Variants in RTCB observed in about 807,000 individuals in gnomAD.
RTCB encodes RNA 2',3'-cyclic phosphate and 5'-OH ligase, also known as RNA-splicing ligase RTCB.
Under a neutral mutation model 58.2 loss-of-function variants are expected in RTCB, and 32 were observed. The ratio of observed to expected loss-of-function variants is 0.55; its 90% CI spans 0.41 to 0.74. The LOEUF (loss-of-function observed/expected upper bound fraction) is 0.74. Ranked by LOEUF, RTCB falls within the 30% of genes least tolerant of loss-of-function variation. The pLI, the probability that RTCB is intolerant of heterozygous loss-of-function variation, is 0.00. For synonymous variants in RTCB, 247 were observed against 218.6 expected (o/e 1.13, Z -1.15); for missense variants, 523 against 639.0 (o/e 0.82, Z 1.96).
intron 4 of RTCB, among the ~76,000 whole-genome samples, chr22:32,405,529 G>A (rs1933405391): frequency 6.6e-6 from 1 of 152,164 alleles, no homozygotes; most frequent in South Asian, 2.1e-4. Flanking sequence ...TGTCAAGTTT[G>A]TTATTGGATC....
At chr22:32,398,151 T>C in intron 6 of RTCB, 51 bp from the exon 7 acceptor site, 1 of 1,571,296 alleles carries the variant, frequency 6.4e-7, no homozygotes, top group Non-Finnish European at 8.6e-7. Flanking sequence ...AGTTTTTTTT[T>C]TAATCTATTT....
chr22:32,405,796 A>G (rs1167559474), intron 4 of RTCB, among the ~76,000 whole-genome samples: 1 of 152,192 alleles, frequency 6.6e-6, no homozygotes, highest in Non-Finnish European at 1.5e-5. Flanking sequence ...AGAACTCTCA[A>G]GATGTCATTT....
intron 1 of RTCB, among the ~76,000 whole-genome samples, chr22:32,410,746 C>T (rs1376000290): frequency 1.4e-5 from 2 of 145,282 alleles, no homozygotes; most frequent in Non-Finnish European, 1.5e-5. Context: ...TTGAGACTCA[C>T]TCTGTCACCT....
intron 3 of RTCB, among the ~76,000 whole-genome samples, chr22:32,407,156 T>C (rs1173059059): frequency 6.6e-6 from 1 of 152,224 alleles, no homozygotes; most frequent in Non-Finnish European, 1.5e-5. Flanking sequence ...GTTTAAGTAA[T>C]CACAGCCAAA....
At chr22:32,403,497 C>A (rs1933372111) in intron 4 of RTCB, among the ~76,000 whole-genome samples, 1 of 152,026 alleles carries the variant, frequency 6.6e-6, no homozygotes, top group African/African-American at 2.4e-5. Context: ...AGCTAATTAA[C>A]CTATTTATGA....
intron 4 of RTCB, among the ~76,000 whole-genome samples, chr22:32,404,114 A>G (rs994446771): frequency 3.9e-5 from 6 of 152,230 alleles, no homozygotes; most frequent in East Asian, 1.9e-4. Flanking sequence ...CAATGCTACA[A>G]TGAACATGGG....
rs907331467 is a variant in RTCB at position 32,387,585 on chromosome 22, A to T, written c.*407T>A. 5.5e-6 allele frequency: 1 copy of T among 180,596 alleles called. No individual in the cohort carries two copies. The highest frequency in any genetic ancestry group is 2.3e-5 in the African/African-American group (1 of 42,714). The allele number at this position is 180,596 out of a possible 1,614,324, so 11.2% of individuals were successfully genotyped here. A position where few individuals can be genotyped will look rare whatever the true frequency, so the allele number is the denominator to read the frequency against. ...GACAAAGCAACAGACGAAAGGAAAC[A>T]TTCCAAAACCTTATTGAACAGAACT... On this transcript the variant is annotated 3_prime_UTR_variant, in exon 12 of 12. Transcript: ENST00000216038.
At chr22:32,408,544 G>A (rs955161941) in intron 2 of RTCB, among the ~76,000 whole-genome samples, 2 of 152,218 alleles carry the variant, frequency 1.3e-5, no homozygotes, top group African/African-American at 4.8e-5. Context: ...GTTCTACCCA[G>A]CTTCAAATTC....
Position 32,387,966 on chromosome 22 carries a change from G to A in RTCB, c.*26C>T, listed in dbSNP as rs1933085752. On this transcript the variant is annotated 3_prime_UTR_variant, in exon 12 of 12. Transcript: ENST00000216038. The stretch of plus-strand genomic sequence containing the variant: ...TTCCACTTCAGAGAGGGTTGGTGGT[G>A]TCAGGCAGCCCTGCTGTCCAAGGTT... 4 of 1,455,966 alleles carry A rather than the reference G, an allele frequency of 2.7e-6. No homozygotes were observed. Among genetic ancestry groups the A allele is most frequent in the Admixed American group, 1.7e-5 (1 of 59,744 alleles). The allele number at this position is 1,455,966 out of a possible 1,614,324, so 90.2% of individuals were successfully genotyped here. A position where few individuals can be genotyped will look rare whatever the true frequency, so the allele number is the denominator to read the frequency against.
rs181290500 is a variant in RTCB at position 32,405,343 on chromosome 22, T to C, written c.340+1319A>G. 2.8e-4 allele frequency among the ~76,000 whole-genome samples: 42 copies of C among 152,332 alleles called. No individual in the cohort carries two copies. In the East Asian group the frequency reaches 5.0e-3, roughly 18 times the overall value. The stretch of plus-strand genomic sequence containing the variant: ...CGAGTGCAAAAAGTTTGAGGACTGC[T>C]GGTCTATATGATTTCAATGCTTTGA... On this transcript the variant is annotated intron_variant, in intron 4 of 11. Coordinates refer to ENST00000216038, the MANE Select transcript of RTCB (RefSeq NM_014306.5).
intron 6 of RTCB, 62 bp from the exon 7 acceptor site, chr22:32,398,162 A>T: frequency 6.5e-7 from 1 of 1,546,678 alleles, no homozygotes; most frequent in East Asian, 2.3e-5. Flanking sequence ...TAATCTATTT[A>T]AAAACCAAAA....
rs148557479 is a variant in RTCB, at chr22:32,400,952, C to A, written c.497+795G>T. 6.6e-5 allele frequency among the ~76,000 whole-genome samples: 10 copies of A among 152,206 alleles called. No individual in the cohort carries two copies. In the East Asian group the frequency reaches 1.9e-3, roughly 29 times the overall value. On this transcript the variant is annotated intron_variant, in intron 5 of 11. Transcript: ENST00000216038. The stretch of plus-strand genomic sequence containing the variant: ...AGCATTATATTTAATCCTCTACTTA[C>A]CAAAGAACACATCCAGTGCTATCAT...
chr22:32,407,215 C>T (rs957220867), intron 3 of RTCB: 2 of 158,212 alleles, frequency 1.3e-5, no homozygotes, highest in African/African-American at 4.8e-5. Flanking sequence ...ACATGTGGAG[C>T]CTAGAAAAGG....
In RTCB at chr22:32,404,339, CTTACA is replaced by C. The variant is rs532216111; in HGVS notation, c.340+2318_340+2322del. 4.3e-3 allele frequency among the ~76,000 whole-genome samples: 662 copies of C among 152,324 alleles called. 2 individuals carry two copies. Among genetic ancestry groups the C allele is most frequent in the Non-Finnish European group, 6.8e-3 (464 of 68,038 alleles). On this transcript the variant is annotated intron_variant, in intron 4 of 11. Coordinates refer to ENST00000216038, the MANE Select transcript of RTCB (RefSeq NM_014306.5). ...AATTTTTAGACACAAGTATTTTCTA[CTTACA>C]TTAGTTATTTTCTCATTTCCATAGT... is the stretch of plus-strand genomic sequence containing the variant.
rs148510767 is a variant in RTCB, at chr22:32,401,875, A to G, written c.369T>C (p.Gly123=). 10 of 1,614,144 alleles carry G rather than the reference A, an allele frequency of 6.2e-6. No individual in the cohort carries two copies. In the African/African-American group the frequency reaches 1.3e-4, roughly 22 times the overall value. ...PGGVGFDINC[G]VRLLRTNLDE... is the part of the protein sequence containing the mutation. ...CTAAATTGGTTCTTAGCAAGCGGACACCACAGTTGATGTCAAACCCGACAC... is the reference window on the plus strand; with the variant it reads ...CTAAATTGGTTCTTAGCAAGCGGACGCCACAGTTGATGTCAAACCCGACAC... The change falls in exon 5 of 12, where the codon GGT becomes GGC. Residue 123 remains glycine (G), a synonymous_variant. Transcript: ENST00000216038.
intron 4 of RTCB, among the ~76,000 whole-genome samples, chr22:32,405,661 C>G (rs773010320): frequency 2.6e-5 from 4 of 152,176 alleles, no homozygotes; most frequent in Admixed American, 6.5e-5. Flanking sequence ...TTCGCAAATT[C>G]TTACTGCCTT....
chr22:32,408,224 G>A lies in RTCB; in HGVS notation c.191C>T (p.Pro64Leu), dbSNP rs1419551056. 6.2e-7 allele frequency: 1 copy of A among 1,614,094 alleles called. No individual in the cohort carries two copies. Among genetic ancestry groups the A allele is most frequent in the Non-Finnish European group, 8.5e-7 (1 of 1,179,970 alleles). Reference sequence around the variant, plus strand: ...CACATTGCCAATCTGTTTCATGGCTGGCAGGAAGCCACCAACACCTGAAGA... The same window carrying A: ...CACATTGCCAATCTGTTTCATGGCTAGCAGGAAGCCACCAACACCTGAAGA... ...CRGGGVGGFL[P>L]AMKQIGNVAA... Residue 64 changes from proline (P) to leucine (L), a missense_variant, in exon 3 of 12, where the codon CCA (proline) becomes CTA (leucine). Transcript: ENST00000216038.
At chr22:32,399,577 CAT>C (rs764768506) in intron 6 of RTCB, 24 bp downstream of exon 6, 2 of 1,567,768 alleles carry the variant, frequency 1.3e-6, no homozygotes, top group East Asian at 2.3e-5. Context: ...AAAAAATTAA[CAT>C]GTTGCCCCTC....
intron 4 of RTCB, among the ~76,000 whole-genome samples, chr22:32,404,677 T>C (rs111412290): frequency 2.0e-5 from 3 of 151,786 alleles, no homozygotes; most frequent in African/African-American, 7.2e-5. Flanking sequence ...AAAGTTTTTC[T>C]AGTTTGTTTG....
Sources: allele counts gnomAD v4.1 joint callset (sites outside exome capture counted in the v4.1 genomes callset), GRCh38; gene constraint gnomAD v4.1.1; transcripts MANE v1.5; gene names NCBI Gene and HGNC (gene_info 2026-07-23, HGNC 2026-07-21).